Variants in OR5A2 observed in about 807,000 individuals in gnomAD.
OR5A2 encodes the protein olfactory receptor family 5 subfamily A member 2.
For missense variants in OR5A2, 406 were observed against 398.9 expected (o/e 1.02, Z -0.15); for synonymous variants, 155 against 151.1 (o/e 1.03, Z -0.19).
chr11:59,422,779 G>C lies in OR5A2; in HGVS notation c.175C>G (p.Pro59Ala). ...AGGTTACTGAGGAAGAAGTACATGGGCATGTGCAGGTGAGAGTCCATCTTA... is the reference window on the plus strand; with the variant it reads ...AGGTTACTGAGGAAGAAGTACATGGCCATGTGCAGGTGAGAGTCCATCTTA... ...LIKMDSHLHM[P>A]MYFFLSNLSF... Residue 59 changes from proline to alanine, a missense_variant, in exon 2 of 2, where the codon CCC becomes GCC. Transcript: ENST00000302040. 1 of 1,614,098 alleles carries C rather than the reference G, an allele frequency of 6.2e-7. No homozygotes were observed. Among genetic ancestry groups the C allele is most frequent in the South Asian group, 1.1e-5 (1 of 91,084 alleles).
At position 59,421,101 on chromosome 11, in the gene OR5A2, G is replaced by C. The variant is rs979780181; in HGVS notation, c.*878C>G. 1 of 152,560 alleles carries C rather than the reference G, an allele frequency of 6.6e-6. No homozygotes were observed. The highest frequency in any genetic ancestry group is 2.4e-5 in the African/African-American group (1 of 41,422). 9.5% of individuals were successfully genotyped at this position (152,560 alleles called of 1,614,324 possible). A position where few individuals can be genotyped will look rare whatever the true frequency, so the allele number is the denominator to read the frequency against. On this transcript the variant is annotated 3_prime_UTR_variant, in exon 2 of 2. Coordinates refer to ENST00000302040, the MANE Select transcript of OR5A2 (RefSeq NM_001001954.2). ...AGGCTTTACAGGAAGCATGGTGCTGGCATCAGCTTAGCTTCTAGGGAGGCC... is the reference window on the plus strand; with the variant it reads ...AGGCTTTACAGGAAGCATGGTGCTGCCATCAGCTTAGCTTCTAGGGAGGCC...
Position 59,422,762 on chromosome 11 carries a change from G to A in OR5A2, c.192C>T (p.Leu64=). The change falls in exon 2 of 2, where the codon CTC becomes CTT. Residue 64 remains leucine (L), a synonymous_variant. Coordinates refer to ENST00000302040, the MANE Select transcript of OR5A2 (RefSeq NM_001001954.2). ...SHLHMPMYFF[L]SNLSFLDICY... ...AGATGTCCAGGAAGGACAGGTTACT[G>A]AGGAAGAAGTACATGGGCATGTGCA... 1.2e-6 allele frequency: 2 copies of A among 1,614,166 alleles called. No homozygotes were observed. The highest frequency in any genetic ancestry group is 1.7e-6 in the Non-Finnish European group (2 of 1,180,006).
rs1449908149 is a variant in OR5A2, at chr11:59,419,992, G to T, written c.*1987C>A. The T allele has an allele frequency of 6.6e-6, 1 of 152,094 alleles. No homozygotes were observed. The highest frequency in any genetic ancestry group is 1.5e-5 in the Non-Finnish European group (1 of 68,002). The allele number at this position is 152,094 out of a possible 1,614,324, so 9.4% of individuals were successfully genotyped here. ...GCAAGGCAATTTCAAGGTATGTCAA[G>T]GAAATATATTTTTGTGTAAAACATT... is the stretch of plus-strand genomic sequence containing the variant. On this transcript the variant is annotated 3_prime_UTR_variant, in exon 2 of 2. Transcript: ENST00000302040.
rs1433099507 is a variant in OR5A2 at position 59,418,936 on chromosome 11, A to C, written c.*3043T>G. The C allele has an allele frequency of 6.6e-6, 1 of 152,162 alleles. No individual in the cohort carries two copies. The highest frequency in any genetic ancestry group is 1.5e-5 in the Non-Finnish European group (1 of 68,014). The allele number at this position is 152,162 out of a possible 1,614,324, so 9.4% of individuals were successfully genotyped here. A position where few individuals can be genotyped will look rare whatever the true frequency, so the allele number is the denominator to read the frequency against. On this transcript the variant is annotated 3_prime_UTR_variant, in exon 2 of 2. Transcript: ENST00000302040. The stretch of plus-strand genomic sequence containing the variant: ...TAGCTCCATGTAAATCCAAAGCATG[A>C]GACATTTTCATTAGTTAATTGTGTC...
intron 1 of OR5A2, chr11:59,425,320 G>C (rs1221743884): frequency 1.3e-5 from 2 of 152,312 alleles, no homozygotes; most frequent in Non-Finnish European, 2.9e-5. Flanking sequence ...TGGCAGAACT[G>C]GTTGAGCCAG....
At position 59,418,274 on chromosome 11, in the gene OR5A2, G is replaced by T. The variant is rs1025863790; in HGVS notation, c.*3705C>A. ...TCATTGTAATTTGTCTTTCTATATG[G>T]CTTCCTGACAGATGGATAATTGTGC... On this transcript the variant is annotated 3_prime_UTR_variant, in exon 2 of 2. Coordinates refer to ENST00000302040, the MANE Select transcript of OR5A2 (RefSeq NM_001001954.2). 3 of 152,012 alleles carry T rather than the reference G, an allele frequency of 2.0e-5. No homozygotes were observed. Among genetic ancestry groups the T allele is most frequent in the Non-Finnish European group, 4.4e-5 (3 of 67,986 alleles). The allele number at this position is 152,012 out of a possible 1,614,324, so 9.4% of individuals were successfully genotyped here. A position where few individuals can be genotyped will look rare whatever the true frequency, so the allele number is the denominator to read the frequency against.
Position 59,422,768 on chromosome 11 carries a change from G to A in OR5A2, c.186C>T (p.Phe62=). 3 of 1,614,174 alleles carry A rather than the reference G, an allele frequency of 1.9e-6. No individual in the cohort carries two copies. Among genetic ancestry groups the A allele is most frequent in the Non-Finnish European group, 2.5e-6 (3 of 1,180,002 alleles). Residue 62 remains phenylalanine (F), a synonymous_variant, in exon 2 of 2, where the codon TTC becomes TTT. Coordinates refer to ENST00000302040, the MANE Select transcript of OR5A2 (RefSeq NM_001001954.2). The part of the protein sequence containing the change: ...MDSHLHMPMY[F]FLSNLSFLDI... ...CCAGGAAGGACAGGTTACTGAGGAAGAAGTACATGGGCATGTGCAGGTGAG... is the reference window on the plus strand; with the variant it reads ...CCAGGAAGGACAGGTTACTGAGGAAAAAGTACATGGGCATGTGCAGGTGAG...
chr11:59,425,477 C>A (rs1239579223), intron 1 of OR5A2: 1 of 152,106 alleles, frequency 6.6e-6, no homozygotes, highest in African/African-American at 2.4e-5. Flanking sequence ...GGCTGCATGA[C>A]CCCTAAACAG....
rs1365523802 is a variant in OR5A2, at chr11:59,418,417, T to C, written c.*3562A>G. ...TAACTTCAGTCCATCTGGAAAAGATTTTTGGAAGTTGCAAACATGAGTGCC... is the reference window on the plus strand; with the variant it reads ...TAACTTCAGTCCATCTGGAAAAGATCTTTGGAAGTTGCAAACATGAGTGCC... On this transcript the variant is annotated 3_prime_UTR_variant, in exon 2 of 2. Coordinates refer to ENST00000302040, the MANE Select transcript of OR5A2 (RefSeq NM_001001954.2). The C allele has an allele frequency of 1.3e-5, 2 of 152,108 alleles. No homozygotes were observed. The highest frequency in any genetic ancestry group is 2.9e-5 in the Non-Finnish European group (2 of 67,994). 9.4% of individuals were successfully genotyped at this position (152,108 alleles called of 1,614,324 possible). A position where few individuals can be genotyped will look rare whatever the true frequency, so the allele number is the denominator to read the frequency against.
Position 59,419,726 on chromosome 11 carries a change from G to T in OR5A2, c.*2253C>A, listed in dbSNP as rs1385414433. 6.6e-6 allele frequency: 1 copy of T among 152,130 alleles called. No individual in the cohort carries two copies. The allele number at this position is 152,130 out of a possible 1,614,324, so 9.4% of individuals were successfully genotyped here. On this transcript the variant is annotated 3_prime_UTR_variant, in exon 2 of 2. Coordinates refer to ENST00000302040, the MANE Select transcript of OR5A2 (RefSeq NM_001001954.2). The stretch of plus-strand genomic sequence containing the variant: ...ATTGGTTGAGTTCGTCTGAAGACCT[G>T]GGATTAATGGAAAGAAATGTTCAGG...
rs1858201194 is a variant in OR5A2, at chr11:59,419,755, A to C, written c.*2224T>G. The C allele has an allele frequency of 6.6e-6, 1 of 152,152 alleles. No individual in the cohort carries two copies. Among genetic ancestry groups the C allele is most frequent in the Non-Finnish European group, 1.5e-5 (1 of 68,018 alleles). The allele number at this position is 152,152 out of a possible 1,614,324, so 9.4% of individuals were successfully genotyped here. A position where few individuals can be genotyped will look rare whatever the true frequency, so the allele number is the denominator to read the frequency against. On this transcript the variant is annotated 3_prime_UTR_variant, in exon 2 of 2. Coordinates refer to ENST00000302040, the MANE Select transcript of OR5A2 (RefSeq NM_001001954.2). ...TTAATGGAAAGAAATGTTCAGGTTA[A>C]GGTAAAGGATTGTGGAGACCAAGTT...
At position 59,422,256 on chromosome 11, in the gene OR5A2, G is replaced by A. The variant is rs1858234916; in HGVS notation, c.698C>T (p.Thr233Ile). 6.2e-7 allele frequency: 1 copy of A among 1,614,130 alleles called. No individual in the cohort carries two copies. The change falls in exon 2 of 2, where the codon ACA (threonine) becomes ATA (isoleucine). Residue 233 changes from threonine to isoleucine, a missense_variant. Physicochemically the swap from Thr to Ile is moderately conservative, Grantham distance 89. Transcript: ENST00000302040. ...AGTGCTGAAGGCCTTTGTCCTACCT[G>A]TAGCTGAGCTGATCTTCACAACAGC... ...VAAVVKISSA[T>I]GRTKAFSTCA...
chr11:59,426,139 G>C (rs1046549123), intron 1 of OR5A2, 32 bp downstream of exon 1: 1 of 152,174 alleles, frequency 6.6e-6, no homozygotes, highest in African/African-American at 2.4e-5. Context: ...GCTGCTGAAT[G>C]GATGAGGTAG....
chr11:59,422,831 G>T lies in OR5A2; in HGVS notation c.123C>A (p.Ala41=), dbSNP rs750258828. The T allele has an allele frequency of 1.2e-6, 2 of 1,614,036 alleles. No individual in the cohort carries two copies. The highest frequency in any genetic ancestry group is 1.3e-5 in the African/African-American group (1 of 74,920). ...LFLGLYLLTL[A]WNLSLIALIK... is the part of the protein sequence containing the mutation. ...TGAGGGCAATGAGGCTTAAGTTCCAGGCCAACGTCAGGAGGTAGAGCCCCA... is the reference window on the plus strand; with the variant it reads ...TGAGGGCAATGAGGCTTAAGTTCCATGCCAACGTCAGGAGGTAGAGCCCCA... The change falls in exon 2 of 2, where the codon GCC becomes GCA. Residue 41 remains alanine, a synonymous_variant. Transcript: ENST00000302040.
rs1858174831 is a variant in OR5A2, at chr11:59,417,874, A to G, written c.*4105T>C. On this transcript the variant is annotated 3_prime_UTR_variant, in exon 2 of 2. Transcript: ENST00000302040. ...ATAATTACATGTACCTACAAAGAAA[A>G]AAAGTAAGTGAATGTTGATGGTGCA... 1 of 152,070 alleles carries G rather than the reference A, an allele frequency of 6.6e-6. No individual in the cohort carries two copies. The highest frequency in any genetic ancestry group is 6.6e-5 in the Admixed American group (1 of 15,256). The allele number at this position is 152,070 out of a possible 1,614,324, so 9.4% of individuals were successfully genotyped here.
At chr11:59,426,115 CAT>C (rs1202955845) in intron 1 of OR5A2, 54 bp downstream of exon 1, 1 of 152,148 alleles carries the variant, frequency 6.6e-6, no homozygotes, top group Non-Finnish European at 1.5e-5. Flanking sequence ...GCTGTAAATG[CAT>C]AGTTGTGATT....
chr11:59,422,679 G>C lies in OR5A2; in HGVS notation c.275C>G (p.Thr92Ser). 1 of 1,614,162 alleles carries C rather than the reference G, an allele frequency of 6.2e-7. No homozygotes were observed. Among genetic ancestry groups the C allele is most frequent in the Non-Finnish European group, 8.5e-7 (1 of 1,180,026 alleles). ...AGTGGCACAGCCAACAAAGGAAATGGTTTTCTGCTCTGTGATGATGTCAGA... is the reference window on the plus strand; with the variant it reads ...AGTGGCACAGCCAACAAAGGAAATGCTTTTCTGCTCTGTGATGATGTCAGA... ...MLSDIITEQKTISFVGCATQY... is the reference protein window; with the variant it reads ...MLSDIITEQKSISFVGCATQY... Residue 92 changes from threonine to serine, a missense_variant, in exon 2 of 2, where the codon ACC becomes AGC. Physicochemically the swap from Thr to Ser is moderately conservative, Grantham distance 58. Transcript: ENST00000302040.
rs1858194524 is a variant in OR5A2 at position 59,419,300 on chromosome 11, A to G, written c.*2679T>C. On this transcript the variant is annotated 3_prime_UTR_variant, in exon 2 of 2. Coordinates refer to ENST00000302040, the MANE Select transcript of OR5A2 (RefSeq NM_001001954.2). ...TACCCGGATTTTCCTTGACTTATAT[A>G]AAACTGAGTAAAAATATTGACTAAT... is the stretch of plus-strand genomic sequence containing the variant. The G allele has an allele frequency of 6.6e-6, 1 of 152,180 alleles. No homozygotes were observed. Among genetic ancestry groups the G allele is most frequent in the Non-Finnish European group, 1.5e-5 (1 of 68,022 alleles). The allele number at this position is 152,180 out of a possible 1,614,324, so 9.4% of individuals were successfully genotyped here.
Position 59,420,733 on chromosome 11 carries a change from A to G in OR5A2, c.*1246T>C, listed in dbSNP as rs1240969725. ...AGGATACATAACAAGTTCTAAGAAAATGTAGAGGAGAAAAATCATTTTCTT... is the reference window on the plus strand; with the variant it reads ...AGGATACATAACAAGTTCTAAGAAAGTGTAGAGGAGAAAAATCATTTTCTT... On this transcript the variant is annotated 3_prime_UTR_variant, in exon 2 of 2. Transcript: ENST00000302040. 1 of 152,198 alleles carries G rather than the reference A, an allele frequency of 6.6e-6. No homozygotes were observed. Among genetic ancestry groups the G allele is most frequent in the Non-Finnish European group, 1.5e-5 (1 of 68,040 alleles). The allele number at this position is 152,198 out of a possible 1,614,324, so 9.4% of individuals were successfully genotyped here. A position where few individuals can be genotyped will look rare whatever the true frequency, so the allele number is the denominator to read the frequency against.
Sources: gnomAD v4.1 joint callset for allele counts on GRCh38, gnomAD v4.1.1 for gene constraint, MANE v1.5 for transcripts, NCBI Gene and HGNC (gene_info 2026-07-23, HGNC 2026-07-21) for gene names.